The following GGT1 variants were observed in gnomAD, a reference collection of about 807,000 sequenced individuals.
The protein encoded by GGT1 is gamma-glutamyltransferase 1, also known as glutathione hydrolase 1 proenzyme.
GGT1 carries 21 observed loss-of-function variants against 56.0 expected under a neutral mutation model. The observed-to-expected ratio is 0.38, with a 90% confidence interval of 0.27 to 0.54. The LOEUF (loss-of-function observed/expected upper bound fraction) is 0.54, where lower values mean the gene tolerates loss of function less well. GGT1 is among the 20% of genes least tolerant of loss of function. The probability of loss-of-function intolerance (pLI) is 0.82; values close to 1 mark genes in which losing one functional copy is unlikely to be tolerated. For synonymous variants in GGT1, 238 were observed against 342.6 expected (o/e 0.69, Z 3.37); for missense variants, 466 against 787.0 (o/e 0.59, Z 4.88).
chr22:24,589,544 G>T, the GGT1 span: 3 of 462,800 alleles, frequency 6.5e-6, no homozygotes, highest in East Asian at 5.8e-5. Flanking sequence ...AGTCTTCCTG[G>T]TCTGGGCCCC....
In GGT1 at chr22:24,620,320, C is replaced by G; in HGVS notation, c.383-8C>G. On this transcript the variant is annotated splice_region_variant and splice_polypyrimidine_tract_variant and intron_variant, in intron 7 of 15. Transcript: ENST00000400382. This position sits in a 1 kb window ranked among gnomAD's most constrained non-coding sequence, Gnocchi z 5.6. ...TCAGGGTCACTAACTATGGCTCTCT[C>G]TCCCCAGGGGGGCTGTCGGTGGCGG... 5 of 1,611,482 alleles carry G rather than the reference C, an allele frequency of 3.1e-6. No individual in the cohort carries two copies. The highest frequency in any genetic ancestry group is 2.3e-4 in the Middle Eastern group (1 of 4,426).
Position 24,611,513 on chromosome 22 carries a change from TCCTATCTA to T in GGT1, c.164+269_164+276del, listed in dbSNP as rs1385467116. ...TTGGTTGTTATTTTTACTTATTTCTTCCTATCTATCTATCTATCTATCTATCTATCATC... is the reference window on the plus strand; with the variant it reads ...TTGGTTGTTATTTTTACTTATTTCTTTCTATCTATCTATCTATCTATCATC... On this transcript the variant is annotated intron_variant, in intron 5 of 15. Transcript: ENST00000400382. Among the ~76,000 whole-genome samples the T allele has an allele frequency of 1.7e-3, 214 of 128,892 alleles. 1 individual carries two copies. Among genetic ancestry groups the T allele is most frequent in the South Asian group, 7.3e-3 (29 of 3,950 alleles). The allele number at this position is 128,892 out of a possible 152,430, so 84.6% of individuals were successfully genotyped here.
chr22:24,611,773 TTGTGTGTGTGTGTGTGTGTGTGTGTGTG>T (rs57600451), intron 5 of GGT1, among the ~76,000 whole-genome samples: 2 of 131,020 alleles, frequency 1.5e-5, no homozygotes, highest in African/African-American at 5.5e-5. Context: ...CCCAACAAAT[TTGTGTGTGTGTGTGTGTGTGTGTGTGTG>T]TGTGTGTGTG....
chr22:24,619,361 G>A (rs9306396), intron 7 of GGT1, among the ~76,000 whole-genome samples: 54,808 of 146,894 alleles, frequency 0.37, 10,222 homozygotes, highest in Middle Eastern at 0.53. Flanking sequence ...TTGTGCCATT[G>A]CACTCCAGCC....
upstream of GGT1, chr22:24,590,060 C>T (rs1205771012): frequency 3.0e-5 from 39 of 1,284,368 alleles, no homozygotes; most frequent in Non-Finnish European, 4.0e-5. Flanking sequence ...CCATCTCCTC[C>T]CTAAGGCTGG....
At chr22:24,603,146 TA>T (rs2045813477), upstream of GGT1, 1 of 136,208 alleles carries the variant, frequency 7.3e-6, no homozygotes, top group South Asian at 2.4e-4. Flanking sequence ...CCCAGGCCAC[TA>T]GGGGAGGGAA....
chr22:24,608,673 T>C (rs1351245278), intron 2 of GGT1, among the ~76,000 whole-genome samples: 1 of 152,220 alleles, frequency 6.6e-6, no homozygotes, highest in East Asian at 1.9e-4. Flanking sequence ...TGCATTTTTT[T>C]TGAGACGGAG....
At chr22:24,625,484 T>C (rs1433123532) in intron 11 of GGT1, among the ~76,000 whole-genome samples, 3 of 152,072 alleles carry the variant, frequency 2.0e-5, no homozygotes, top group African/African-American at 7.2e-5. Context: ...CAGACTGGTC[T>C]CAAACTCCCG....
chr22:24,598,445 C>CAAAAA (rs1186508492), upstream of GGT1, among the ~76,000 whole-genome samples: 2 of 76,034 alleles, frequency 2.6e-5, no homozygotes, highest in Non-Finnish European at 5.4e-5. Context: ...GACTCCGTCT[C>CAAAAA]AAAAAAAAAA....
upstream of GGT1, among the ~76,000 whole-genome samples, chr22:24,598,811 C>T (rs2045736948): frequency 6.6e-6 from 1 of 152,216 alleles, no homozygotes; most frequent in African/African-American, 2.4e-5. Context: ...CCTCGCCCTC[C>T]CAAAGCGCTG....
chr22:24,618,971 C>A (rs545093299), intron 7 of GGT1, among the ~76,000 whole-genome samples: 48 of 152,250 alleles, frequency 3.2e-4, no homozygotes, highest in Non-Finnish European at 5.4e-4. Context: ...AACTGGAAGG[C>A]AAAACCCCTT....
upstream of GGT1, among the ~76,000 whole-genome samples, chr22:24,593,867 C>T (rs1260233999): frequency 6.6e-6 from 1 of 152,194 alleles, no homozygotes; most frequent in Non-Finnish European, 1.5e-5. Flanking sequence ...CATGGACACT[C>T]CTGCACTGGC....
At chr22:24,606,200 CAT>C (rs1258710691) in intron 1 of GGT1, among the ~76,000 whole-genome samples, 1 of 146,214 alleles carries the variant, frequency 6.8e-6, no homozygotes, top group Non-Finnish European at 1.5e-5. Flanking sequence ...AGGTTTGTTA[CAT>C]ATGTATACAT....
the GGT1 span, chr22:24,588,660 G>C: frequency 1.8e-6 from 2 of 1,137,116 alleles, no homozygotes; most frequent in Non-Finnish European, 2.2e-6. Context: ...CCCACCCTCA[G>C]CACCCTTCGG....
upstream of GGT1, among the ~76,000 whole-genome samples, chr22:24,591,571 G>C (rs1271250071): frequency 6.6e-6 from 1 of 152,240 alleles, no homozygotes; most frequent in Non-Finnish European, 1.5e-5. Context: ...TTATGGAGCA[G>C]GATAGGCCCC....
upstream of GGT1, chr22:24,589,843 C>G (rs372834897): frequency 6.2e-7 from 1 of 1,613,368 alleles, no homozygotes; most frequent in Non-Finnish European, 8.5e-7. Flanking sequence ...CTGCAGGTCC[C>G]GGGCCAGGTT....
chr22:24,604,184 G>T (rs570868358), intron 1 of GGT1, among the ~76,000 whole-genome samples: 58 of 151,046 alleles, frequency 3.8e-4, no homozygotes, highest in Non-Finnish European at 5.5e-4. Flanking sequence ...CAGGCTGGGG[G>T]CTGGCAGGGT....
At chr22:24,609,813 G>A in intron 2 of GGT1, 152 bp from the exon 3 acceptor site, 1 of 351,338 alleles carries the variant, frequency 2.8e-6, no homozygotes, top group South Asian at 2.2e-5. Context: ...CAGCCTGGAA[G>A]GGAGTCCACA....
chr22:24,602,038 A>C (rs924237204), upstream of GGT1, among the ~76,000 whole-genome samples: 6 of 151,924 alleles, frequency 3.9e-5, no homozygotes, highest in African/African-American at 1.5e-4. Context: ...CCAGCCTCCC[A>C]GGGCTCTCAA....
Sources: allele counts gnomAD v4.1 joint callset (sites outside exome capture counted in the v4.1 genomes callset), GRCh38; gene constraint gnomAD v4.1.1; non-coding constraint Gnocchi (gnomAD v3.1); transcripts MANE v1.5; gene names NCBI Gene and HGNC (gene_info 2026-07-23, HGNC 2026-07-21).